NCAM2: variants seen among roughly 807,000 people sequenced by gnomAD.
NCAM2 encodes the protein neural cell adhesion molecule 2, also known as N-CAM-2.
A neutral mutation model predicts 98.1 loss-of-function variants in NCAM2; 30 were observed. That is an observed-to-expected ratio of 0.31 (90% confidence interval 0.23 to 0.41). NCAM2 has a LOEUF of 0.41. Among genes scored for constraint, NCAM2 ranks in the 10% least tolerant of loss-of-function variants. The probability of loss-of-function intolerance (pLI) is 1.00; values close to 1 mark genes in which losing one functional copy is unlikely to be tolerated. For missense variants in NCAM2, 867 were observed against 1,005.8 expected (o/e 0.86, Z 1.87); for synonymous variants, 368 against 342.4 (o/e 1.07, Z -0.83).
chr21:21,025,168 C>T (rs1297834138), intron 1 of NCAM2, among the ~76,000 whole-genome samples: 3 of 151,838 alleles, frequency 2.0e-5, no homozygotes, highest in Non-Finnish European at 4.4e-5. Context: ...TCACTGCAAG[C>T]TCCGCCTCCC....
chr21:21,048,454 G>C (rs372535130), intron 1 of NCAM2, among the ~76,000 whole-genome samples: 1 of 151,908 alleles, frequency 6.6e-6, no homozygotes, highest in South Asian at 2.1e-4. Flanking sequence ...CAGGGTTCAC[G>C]CCATTCTCCT....
intron 5 of NCAM2, among the ~76,000 whole-genome samples, chr21:21,298,044 G>C (rs891468601): frequency 2.6e-5 from 4 of 151,714 alleles, no homozygotes; most frequent in African/African-American, 9.7e-5. Flanking sequence ...GTACAAATGA[G>C]TGTCTGAATG....
At chr21:21,011,253 A>G (rs992253501) in intron 1 of NCAM2, among the ~76,000 whole-genome samples, 2 of 152,032 alleles carry the variant, frequency 1.3e-5, no homozygotes, top group Non-Finnish European at 2.9e-5. Context: ...ACTGATTTTC[A>G]TAAAAGATAT....
At chr21:21,198,523 C>G (rs188077269) in intron 1 of NCAM2, among the ~76,000 whole-genome samples, 301 of 152,238 alleles carry the variant, frequency 2.0e-3, no homozygotes, top group African/African-American at 6.9e-3. Context: ...TGGAAACCTG[C>G]TAGTTCACTT....
intron 4 of NCAM2, among the ~76,000 whole-genome samples, chr21:21,289,926 A>G (rs1601877842): frequency 2.0e-5 from 3 of 151,976 alleles, no homozygotes; most frequent in South Asian, 2.1e-4. Flanking sequence ...CTAATGAAAT[A>G]TTGCTGAGGG....
At chr21:21,077,854 C>T (rs2065711523) in intron 1 of NCAM2, among the ~76,000 whole-genome samples, 1 of 152,112 alleles carries the variant, frequency 6.6e-6, no homozygotes, top group Admixed American at 6.6e-5. Context: ...TCAATACTCT[C>T]TCAGGGAAAA....
chr21:21,380,328 C>G (rs978533897), intron 9 of NCAM2, among the ~76,000 whole-genome samples: 1 of 152,088 alleles, frequency 6.6e-6, no homozygotes. Flanking sequence ...CTTTTCTTTG[C>G]ATTATGTATT....
chr21:21,210,560 C>CG, intron 1 of NCAM2: 2 of 1,288,142 alleles, frequency 1.6e-6, no homozygotes, highest in Non-Finnish European at 2.0e-6. Flanking sequence ...AAGAGTACCA[C>CG]GATGGTGAGA....
At chr21:21,291,155 T>C (rs982643953) in intron 4 of NCAM2, among the ~76,000 whole-genome samples, 2 of 151,898 alleles carry the variant, frequency 1.3e-5, no homozygotes, top group Non-Finnish European at 2.9e-5. Context: ...GTGTCTCTTA[T>C]TCATCAAAGT....
intron 1 of NCAM2, among the ~76,000 whole-genome samples, chr21:21,082,290 A>AC (rs1555882253): frequency 0.035 from 5,193 of 149,382 alleles, 155 homozygotes; most frequent in Admixed American, 0.067. Context: ...ACAAAAAAAA[A>AC]AAAACAAAAC....
intron 1 of NCAM2, among the ~76,000 whole-genome samples, chr21:21,029,239 A>T (rs1175283855): frequency 6.6e-6 from 1 of 152,200 alleles, no homozygotes. Context: ...AATTTCAATT[A>T]TCTTATTTTT....
chr21:21,465,066 G>A (rs1414270272), intron 12 of NCAM2, among the ~76,000 whole-genome samples: 1 of 152,036 alleles, frequency 6.6e-6, no homozygotes, highest in African/African-American at 2.4e-5. Flanking sequence ...TGAGAAATAC[G>A]AAAGTAAATT....
intron 8 of NCAM2, among the ~76,000 whole-genome samples, chr21:21,344,507 G>C (rs904967064): frequency 6.6e-6 from 1 of 152,146 alleles, no homozygotes; most frequent in Non-Finnish European, 1.5e-5. Context: ...CTTGTGGTCT[G>C]GGGTGGTGGT....
intron 1 of NCAM2, among the ~76,000 whole-genome samples, chr21:21,096,603 C>G (rs1427622036): frequency 2.0e-5 from 3 of 151,662 alleles, no homozygotes; most frequent in African/African-American, 7.3e-5. Context: ...CTCCTAGTAT[C>G]ATTTATTATT....
In NCAM2 at chr21:21,057,018, C is replaced by T. The variant is rs1019481438; in HGVS notation, c.55+58400C>T. On this transcript the variant is annotated intron_variant, in intron 1 of 17. Coordinates refer to ENST00000400546, the MANE Select transcript of NCAM2 (RefSeq NM_004540.5). ...TATAAAAAATCCTACTCGTCTTTAACATGTTCTCTTAAAGAGTGTTTCATA... is the reference window on the plus strand; with the variant it reads ...TATAAAAAATCCTACTCGTCTTTAATATGTTCTCTTAAAGAGTGTTTCATA... Among the ~76,000 whole-genome samples the T allele has an allele frequency of 9.9e-5, 15 of 151,946 alleles. 1 individual carries two copies. Among genetic ancestry groups the T allele is most frequent in the Admixed American group, 9.9e-4 (15 of 15,228 alleles).
chr21:21,218,249 C>G (rs73896610), intron 1 of NCAM2, among the ~76,000 whole-genome samples: 1 of 152,056 alleles, frequency 6.6e-6, no homozygotes, highest in South Asian at 2.1e-4. Flanking sequence ...CAGTCCAGTG[C>G]GCAGTAAAGT....
At chr21:21,019,083 G>A (rs926686250) in intron 1 of NCAM2, among the ~76,000 whole-genome samples, 2 of 152,200 alleles carry the variant, frequency 1.3e-5, no homozygotes, top group African/African-American at 4.8e-5. Flanking sequence ...TAGTGCTGGG[G>A]TGAAACACTT....
At chr21:21,458,776 G>A (rs754623228) in intron 12 of NCAM2, among the ~76,000 whole-genome samples, 4 of 152,124 alleles carry the variant, frequency 2.6e-5, no homozygotes, top group Non-Finnish European at 4.4e-5. Flanking sequence ...GCTTCTTGGC[G>A]TTGGTCTGCA....
intron 1 of NCAM2, among the ~76,000 whole-genome samples, chr21:21,249,709 G>A (rs1277299275): frequency 2.0e-5 from 3 of 151,772 alleles, no homozygotes; most frequent in African/African-American, 7.3e-5. Flanking sequence ...TTTTTTGTCT[G>A]TTCTTTAGGT....
Sources: gnomAD v4.1 joint callset for allele counts (sites outside exome capture counted in the v4.1 genomes callset) on GRCh38, gnomAD v4.1.1 for gene constraint, MANE v1.5 for transcripts, NCBI Gene and HGNC (gene_info 2026-07-23, HGNC 2026-07-21) for gene names.